Variants in CCDC3 observed in about 807,000 individuals in gnomAD.
CCDC3 encodes coiled-coil domain containing 3.
CCDC3 carries 24 observed loss-of-function variants against 21.4 expected under a neutral mutation model. The ratio of observed to expected loss-of-function variants is 1.12; its 90% CI spans 0.81 to 1.58. The LOEUF (loss-of-function observed/expected upper bound fraction) is 1.58, where lower values mean the gene tolerates loss of function less well. Ranked by LOEUF, CCDC3 falls within the 40% of genes most tolerant of loss-of-function variation. The pLI is 0.00. For missense variants in CCDC3, 425 were observed against 360.9 expected (o/e 1.18, Z -1.44); for synonymous variants, 186 against 166.0 (o/e 1.12, Z -0.93).
intron 2 of CCDC3, among the ~76,000 whole-genome samples, chr10:12,970,095 T>C (rs1004841288): frequency 1.3e-5 from 2 of 152,176 alleles, no homozygotes; most frequent in African/African-American, 4.8e-5. Flanking sequence ...GGTTTTTTCA[T>C]CAATGGTGGT....
At chr10:13,013,264 A>C (rs979870389) in intron 5 of CCDC3, among the ~76,000 whole-genome samples, 21 of 152,230 alleles carry the variant, frequency 1.4e-4, no homozygotes, top group Non-Finnish European at 2.1e-4. Flanking sequence ...CTGGAGAAAT[A>C]GATGATTTCA....
At chr10:13,020,633 T>C (rs1265371812) in intron 5 of CCDC3, among the ~76,000 whole-genome samples, 1 of 152,204 alleles carries the variant, frequency 6.6e-6, no homozygotes, top group Non-Finnish European at 1.5e-5. Flanking sequence ...CACTGATTTT[T>C]AAGGAATGTA....
intron 4 of CCDC3, among the ~76,000 whole-genome samples, chr10:13,051,727 G>A (rs1242738314): frequency 6.6e-6 from 1 of 152,136 alleles, no homozygotes; most frequent in African/African-American, 2.4e-5. Context: ...CAGGAGGACT[G>A]GGGGTGGTAT....
At chr10:12,915,315 G>T (rs1476821308) in intron 2 of CCDC3, among the ~76,000 whole-genome samples, 3 of 152,186 alleles carry the variant, frequency 2.0e-5, no homozygotes, top group African/African-American at 7.2e-5. Context: ...GCTGTTGGAT[G>T]GAATGTTATA....
chr10:13,054,874 C>T (rs1836661594), intron 4 of CCDC3, among the ~76,000 whole-genome samples: 1 of 152,166 alleles, frequency 6.6e-6, no homozygotes, highest in African/African-American at 2.4e-5. Flanking sequence ...ACCATGTTGG[C>T]CAGGCTGGTC....
At chr10:12,993,520 T>C (rs1019271236) in intron 2 of CCDC3, among the ~76,000 whole-genome samples, 1 of 152,148 alleles carries the variant, frequency 6.6e-6, no homozygotes, top group Non-Finnish European at 1.5e-5. Flanking sequence ...TAAGTATGGG[T>C]CAGTCTGGGT....
intron 5 of CCDC3, among the ~76,000 whole-genome samples, chr10:13,031,910 G>T: frequency 6.6e-6 from 1 of 152,128 alleles, no homozygotes; most frequent in East Asian, 1.9e-4. Flanking sequence ...TCTACCAGAG[G>T]TACAAAGAGG....
At chr10:13,090,034 G>GATATATAGAT (rs1554766807) in intron 3 of CCDC3, among the ~76,000 whole-genome samples, 5 of 129,148 alleles carry the variant, frequency 3.9e-5, no homozygotes, top group African/African-American at 1.5e-4. Flanking sequence ...TATTCCGTTA[G>GATATATAGAT]ATATATATAT....
At chr10:13,017,672 A>G (rs1359367056) in intron 5 of CCDC3, among the ~76,000 whole-genome samples, 3 of 152,092 alleles carry the variant, frequency 2.0e-5, no homozygotes, top group African/African-American at 7.2e-5. Context: ...AATATTCATC[A>G]TTCAACATTT....
intron 5 of CCDC3, among the ~76,000 whole-genome samples, chr10:13,017,450 G>A (rs1054106538): frequency 3.3e-5 from 5 of 150,350 alleles, no homozygotes; most frequent in Non-Finnish European, 7.4e-5. Context: ...CCGGGAGGTG[G>A]AGGTTGCAGT....
chr10:13,045,834 T>G (rs1384445799), intron 5 of CCDC3, among the ~76,000 whole-genome samples: 2 of 152,184 alleles, frequency 1.3e-5, no homozygotes, highest in Non-Finnish European at 2.9e-5. Context: ...CTCACGCCTG[T>G]AATCCCAGCA....
At chr10:12,925,726 C>T (rs936777226) in intron 2 of CCDC3, among the ~76,000 whole-genome samples, 1 of 152,232 alleles carries the variant, frequency 6.6e-6, no homozygotes, top group Non-Finnish European at 1.5e-5. Context: ...TCTCTAAGTC[C>T]TCCGTCCCCA....
At chr10:13,043,507 C>G (rs1163475764) in intron 5 of CCDC3, among the ~76,000 whole-genome samples, 2 of 152,110 alleles carry the variant, frequency 1.3e-5, no homozygotes, top group East Asian at 3.8e-4. Context: ...GCAGGAGAAT[C>G]GCCTGAACCC....
chr10:12,968,102 G>C (rs764356869), intron 2 of CCDC3, among the ~76,000 whole-genome samples: 1 of 151,684 alleles, frequency 6.6e-6, no homozygotes, highest in Non-Finnish European at 1.5e-5. Flanking sequence ...CTGGAAGGCA[G>C]AGTTTGCAGG....
intron 2 of CCDC3, among the ~76,000 whole-genome samples, chr10:12,926,630 T>C (rs889493632): frequency 1.7e-4 from 26 of 152,118 alleles, no homozygotes; most frequent in African/African-American, 6.0e-4. Context: ...TAAATATAAA[T>C]GGACTAAACA....
rs200431012 is a variant in CCDC3 at position 13,011,197 on chromosome 10, A to AC, written c.-1-12686_-1-12685insG. ...CTCTGTCTCAGAAGAAAAAAAAAAA[A>AC]AAACCTGTGACAAAGGCGGCATCGA... On this transcript the variant is annotated intron_variant, in intron 5 of 6. Transcript: ENST00000378839. 1.2e-3 allele frequency among the ~76,000 whole-genome samples: 177 copies of AC among 151,628 alleles called. 3 individuals are homozygous for AC. The East Asian group carries it at 0.026, about 22-fold the overall frequency.
intron 4 of CCDC3, among the ~76,000 whole-genome samples, chr10:13,066,164 T>TA (rs111316470): frequency 3.2e-5 from 3 of 93,362 alleles, no homozygotes; most frequent in African/African-American, 6.3e-5. Flanking sequence ...CCCTAGGTGA[T>TA]TTTTTTTTTT....
At chr10:12,949,779 T>G (rs1283450481) in intron 2 of CCDC3, among the ~76,000 whole-genome samples, 1 of 152,124 alleles carries the variant, frequency 6.6e-6, no homozygotes, top group Non-Finnish European at 1.5e-5. Flanking sequence ...TATATCTGGG[T>G]TTTCTGCCCA....
chr10:13,050,881 G>A (rs1202659574), intron 4 of CCDC3, among the ~76,000 whole-genome samples: 1 of 151,994 alleles, frequency 6.6e-6, no homozygotes, highest in African/African-American at 2.4e-5. Flanking sequence ...CAACCTCCTG[G>A]GCTCAAGTGA....
Sources: allele counts gnomAD v4.1 joint callset (sites outside exome capture counted in the v4.1 genomes callset), GRCh38; gene constraint gnomAD v4.1.1; transcripts MANE v1.5; gene names NCBI Gene and HGNC (gene_info 2026-07-23, HGNC 2026-07-21).